RYR2: variants seen among roughly 807,000 people sequenced by gnomAD.
RYR2 encodes the protein cardiac muscle ryanodine receptor-calcium release channel.
A neutral mutation model predicts 601.1 loss-of-function variants in RYR2; 227 were observed. That is an observed-to-expected ratio of 0.38 (90% CI 0.34 to 0.42). RYR2 has a LOEUF of 0.42. Ranked by LOEUF, RYR2 falls within the 10% of genes least tolerant of loss-of-function variation. RYR2 has a pLI of 1.00. For missense variants in RYR2, 4,646 were observed against 6,156.5 expected (o/e 0.75, Z 8.21); for synonymous variants, 2,223 against 2,175.1 (o/e 1.02, Z -0.61).
intron 63 of RYR2, among the ~76,000 whole-genome samples, chr1:237,688,358 A>T (rs1686627712): frequency 6.6e-6 from 1 of 152,164 alleles, no homozygotes; most frequent in African/African-American, 2.4e-5. Flanking sequence ...GATTAAAAAA[A>T]TTAAGTCATT....
chr1:237,584,653 T>TTTGTTTG (rs1360761501), intron 29 of RYR2, among the ~76,000 whole-genome samples: 1 of 132,486 alleles, frequency 7.5e-6, no homozygotes, highest in Non-Finnish European at 1.6e-5. Flanking sequence ...CCACCTGTTT[T>TTTGTTTG]TTTTTTTTTT....
intron 4 of RYR2, among the ~76,000 whole-genome samples, chr1:237,361,565 A>C (rs1699785465): frequency 6.6e-6 from 1 of 152,200 alleles, no homozygotes; most frequent in Admixed American, 6.6e-5. Flanking sequence ...TTTTAATGGC[A>C]AGCCTCCAAA....
chr1:237,404,187 G>A (rs1434980152), intron 10 of RYR2, among the ~76,000 whole-genome samples: 1 of 152,216 alleles, frequency 6.6e-6, no homozygotes, highest in Non-Finnish European at 1.5e-5. Flanking sequence ...CTGGGAGGTT[G>A]AGGCTGTAGT....
chr1:237,394,400 G>A (rs1249312896), intron 10 of RYR2, among the ~76,000 whole-genome samples: 3 of 152,168 alleles, frequency 2.0e-5, no homozygotes, highest in African/African-American at 7.2e-5. Context: ...AACTTGAATA[G>A]AGCTATTGTG....
At chr1:237,664,449 G>C (rs1321346119) in intron 56 of RYR2, among the ~76,000 whole-genome samples, 1 of 152,194 alleles carries the variant, frequency 6.6e-6, no homozygotes, top group Admixed American at 6.5e-5. Context: ...TGGACTCACA[G>C]TTCCACGTGG....
At chr1:237,134,689 G>C (rs117001082) in intron 1 of RYR2, among the ~76,000 whole-genome samples, 2 of 152,196 alleles carry the variant, frequency 1.3e-5, no homozygotes, top group Non-Finnish European at 1.5e-5. Flanking sequence ...TCTATGTAAA[G>C]ATGATCAGGG....
intron 4 of RYR2, among the ~76,000 whole-genome samples, chr1:237,363,751 TTA>T (rs1699978070): frequency 6.6e-6 from 1 of 152,136 alleles, no homozygotes; most frequent in Admixed American, 6.6e-5. Context: ...AAAAGAGCTA[TTA>T]TATAATTTAT....
chr1:237,660,051 C>T lies in RYR2; in HGVS notation c.8275C>T (p.Pro2759Ser). 1 of 1,573,956 alleles carries T rather than the reference C, an allele frequency of 6.4e-7. No individual in the cohort carries two copies. The highest frequency in any genetic ancestry group is 8.6e-7 in the Non-Finnish European group (1 of 1,162,022). ...TTCTAAGGTTCAGCCATTAATGAAG[C>T]CATATAAGCTATTGTCTGAAAAGGT... The part of the protein sequence containing the change: ...DSSKVQPLMK[P>S]YKLLSEKEKE... Residue 2759 changes from proline to serine, a missense_variant, in exon 55 of 105, where the codon CCA becomes TCA. Pro to Ser is a moderately conservative substitution (Grantham distance 74). Coordinates refer to ENST00000366574, the MANE Select transcript of RYR2 (RefSeq NM_001035.3).
chr1:237,577,551 T>TGAGAGAGA (rs60270548), intron 29 of RYR2, among the ~76,000 whole-genome samples: 4 of 129,524 alleles, frequency 3.1e-5, no homozygotes, highest in Non-Finnish European at 7.0e-5. Context: ...TGTGTGTGTT[T>TGAGAGAGA]GAGAGAGAGA....
At chr1:237,667,151 T>C (rs187449512) in intron 57 of RYR2, among the ~76,000 whole-genome samples, 2 of 152,290 alleles carry the variant, frequency 1.3e-5, no homozygotes, top group East Asian at 3.9e-4. Flanking sequence ...GAACCTACTT[T>C]GAAATAGCAG....
intron 27 of RYR2, among the ~76,000 whole-genome samples, chr1:237,554,196 A>G (rs1670665873): frequency 6.6e-6 from 1 of 151,902 alleles, no homozygotes; most frequent in African/African-American, 2.4e-5. Context: ...GGGTGATTTT[A>G]TCATAAATAG....
intron 50 of RYR2, 87 bp from the exon 51 acceptor site, chr1:237,651,324 C>T: frequency 4.3e-6 from 4 of 920,784 alleles, no homozygotes; most frequent in Non-Finnish European, 7.0e-6. Context: ...GATTCAGGTC[C>T]TTGGCTGATA....
chr1:237,411,631 G>T (rs1704460378), intron 10 of RYR2, among the ~76,000 whole-genome samples: 1 of 152,092 alleles, frequency 6.6e-6, no homozygotes, highest in Admixed American at 6.5e-5. Context: ...GGTCTACGTG[G>T]GTTATATTAC....
At chr1:237,159,986 A>G (rs1280724666) in intron 1 of RYR2, among the ~76,000 whole-genome samples, 3 of 152,154 alleles carry the variant, frequency 2.0e-5, no homozygotes, top group Non-Finnish European at 4.4e-5. Flanking sequence ...TTTCCCTCCA[A>G]TTTGAATATC....
intron 1 of RYR2, among the ~76,000 whole-genome samples, chr1:237,053,961 A>G (rs982732716): frequency 6.6e-6 from 1 of 152,198 alleles, no homozygotes; most frequent in Non-Finnish European, 1.5e-5. Flanking sequence ...ATTGGCCCAC[A>G]TTATTCCGCT....
intron 12 of RYR2, among the ~76,000 whole-genome samples, chr1:237,431,023 A>T (rs1351311225): frequency 6.6e-6 from 1 of 152,176 alleles, no homozygotes; most frequent in African/African-American, 2.4e-5. Context: ...TGAGCAATTT[A>T]GTTTCTCTGA....
intron 53 of RYR2, among the ~76,000 whole-genome samples, chr1:237,656,203 A>G (rs1683227543): frequency 6.6e-6 from 1 of 152,220 alleles, no homozygotes. Context: ...TACTCTTAAC[A>G]CAATCAAGAC....
At chr1:237,061,716 T>C (rs1365625350) in intron 1 of RYR2, among the ~76,000 whole-genome samples, 1 of 152,176 alleles carries the variant, frequency 6.6e-6, no homozygotes, top group African/African-American at 2.4e-5. Flanking sequence ...TTTTCCCCCC[T>C]CTGTTACTGA....
At chr1:237,181,394 G>C (rs1054356128) in intron 1 of RYR2, among the ~76,000 whole-genome samples, 1 of 152,080 alleles carries the variant, frequency 6.6e-6, no homozygotes, top group Non-Finnish European at 1.5e-5. Context: ...TTTACTCAAG[G>C]TCAACCTGTT....
Sources: allele counts gnomAD v4.1 joint callset (sites outside exome capture counted in the v4.1 genomes callset), GRCh38; gene constraint gnomAD v4.1.1; transcripts MANE v1.5; gene names NCBI Gene and HGNC (gene_info 2026-07-23, HGNC 2026-07-21).